PPP1R1C: variants seen among roughly 807,000 people sequenced by gnomAD.
PPP1R1C encodes protein phosphatase 1 regulatory inhibitor subunit 1C, also known as protein phosphatase 1 regulatory subunit 1C.
Under a neutral mutation model 17.4 loss-of-function variants are expected in PPP1R1C, and 15 were observed. The observed-to-expected ratio is 0.86, with a 90% CI of 0.58 to 1.33. The LOEUF (loss-of-function observed/expected upper bound fraction) is 1.33. Ranked by LOEUF, PPP1R1C falls within the 40% of genes most tolerant of loss-of-function variation. The pLI is 0.00. For synonymous variants in PPP1R1C, 35 were observed against 43.1 expected (o/e 0.81, Z 0.73); for missense variants, 143 against 130.0 (o/e 1.10, Z -0.48).
chr2:182,050,610 A>T (rs1687483220), intron 2 of PPP1R1C, among the ~76,000 whole-genome samples: 1 of 152,172 alleles, frequency 6.6e-6, no homozygotes, highest in Non-Finnish European at 1.5e-5. Context: ...GTCACACTGT[A>T]GCAATAAGTC....
chr2:182,013,888 A>T (rs185662335), intron 2 of PPP1R1C, among the ~76,000 whole-genome samples: 330 of 152,282 alleles, frequency 2.2e-3, no homozygotes, highest in African/African-American at 7.7e-3. Context: ...ATTTTTAAAA[A>T]TTATTTCAAT....
At chr2:182,003,514 A>G (rs1397519415) in intron 2 of PPP1R1C, among the ~76,000 whole-genome samples, 1 of 152,178 alleles carries the variant, frequency 6.6e-6, no homozygotes, top group African/African-American at 2.4e-5. Flanking sequence ...TGGACATACA[A>G]GAAATATGTT....
intron 5 of PPP1R1C, among the ~76,000 whole-genome samples, chr2:182,123,878 T>C (rs1453016997): frequency 6.6e-6 from 1 of 152,260 alleles, no homozygotes. Context: ...TTTGTCAATT[T>C]TGGCTTTTGT....
At chr2:182,024,515 T>G (rs569957312) in intron 2 of PPP1R1C, among the ~76,000 whole-genome samples, 2 of 152,034 alleles carry the variant, frequency 1.3e-5, no homozygotes, top group African/African-American at 4.8e-5. Flanking sequence ...TGAAGAAATA[T>G]TTATTTGAAA....
intron 2 of PPP1R1C, among the ~76,000 whole-genome samples, chr2:181,988,486 T>C (rs929860199): frequency 3.3e-5 from 5 of 152,260 alleles, no homozygotes; most frequent in African/African-American, 1.2e-4. Flanking sequence ...AACCGCATTA[T>C]TATTCCGGAT....
intron 2 of PPP1R1C, among the ~76,000 whole-genome samples, chr2:182,050,385 AATT>A (rs1687475983): frequency 6.6e-6 from 1 of 152,116 alleles, no homozygotes; most frequent in Non-Finnish European, 1.5e-5. Flanking sequence ...TAAAAAGCCT[AATT>A]TTGGTCTTTA....
chr2:182,084,146 T>C (rs1688561025), intron 4 of PPP1R1C, among the ~76,000 whole-genome samples: 1 of 152,050 alleles, frequency 6.6e-6, no homozygotes, highest in Non-Finnish European at 1.5e-5. Context: ...TGTTTGAATT[T>C]CTTGCAGAGT....
At position 182,004,700 on chromosome 2, in the gene PPP1R1C, C is replaced by T. The variant is rs376245762; in HGVS notation, c.142+16801C>T. On this transcript the variant is annotated intron_variant, in intron 2 of 4. Coordinates refer to ENST00000682840, the MANE Select transcript of PPP1R1C (RefSeq NM_001080545.3). The stretch of plus-strand genomic sequence containing the variant: ...TCAAAAGAGTTAGGATTAGGAACCA[C>T]GAGATGGTTTTCAGCAGGAGGGCTC... Among the ~76,000 whole-genome samples, 362 of 152,286 alleles carry T rather than the reference C, an allele frequency of 2.4e-3. 3 individuals carry two copies. Among genetic ancestry groups the T allele is most frequent in the African/African-American group, 8.1e-3 (336 of 41,558 alleles).
intron 2 of PPP1R1C, among the ~76,000 whole-genome samples, chr2:182,019,454 G>A (rs1235997530): frequency 6.6e-6 from 1 of 152,094 alleles, no homozygotes; most frequent in Non-Finnish European, 1.5e-5. Context: ...TTTCTTAGTT[G>A]GTGGCCACCC....
At chr2:182,047,095 A>G (rs1318025657) in intron 2 of PPP1R1C, among the ~76,000 whole-genome samples, 2 of 152,296 alleles carry the variant, frequency 1.3e-5, no homozygotes, top group Admixed American at 6.5e-5. Flanking sequence ...ATTTCCTGTC[A>G]TCATCATTCA....
At chr2:182,025,870 G>C (rs74178510) in intron 2 of PPP1R1C, among the ~76,000 whole-genome samples, 24,937 of 142,736 alleles carry the variant, frequency 0.17, 2,154 homozygotes, top group East Asian at 0.3. Flanking sequence ...TCCAGCACCT[G>C]TTGTTTCCTG....
intron 1 of PPP1R1C, among the ~76,000 whole-genome samples, chr2:181,958,169 A>G (rs184877756): frequency 6.6e-6 from 1 of 152,332 alleles, no homozygotes; most frequent in East Asian, 1.9e-4. Context: ...TGGAAGCAGA[A>G]CAGGGAAGTG....
intron 2 of PPP1R1C, among the ~76,000 whole-genome samples, chr2:182,038,583 A>G (rs1239073451): frequency 6.6e-6 from 1 of 152,164 alleles, no homozygotes; most frequent in African/African-American, 2.4e-5. Context: ...ATAGGTTGAA[A>G]CCCTTCAAGA....
chr2:182,059,758 T>C (rs1687796612), intron 2 of PPP1R1C, among the ~76,000 whole-genome samples: 1 of 152,096 alleles, frequency 6.6e-6, no homozygotes, highest in Non-Finnish European at 1.5e-5. Flanking sequence ...CCTTTTTTCA[T>C]TGAAATATTT....
chr2:182,065,989 C>G (rs1266634389), intron 4 of PPP1R1C, among the ~76,000 whole-genome samples: 1 of 152,020 alleles, frequency 6.6e-6, no homozygotes, highest in Non-Finnish European at 1.5e-5. Context: ...GTCCATCATT[C>G]AAAATGAATC....
chr2:182,103,968 G>T (rs1470459396), intron 4 of PPP1R1C: 1 of 152,190 alleles, frequency 6.6e-6, no homozygotes, highest in East Asian at 1.9e-4. Context: ...AATCAAATCT[G>T]TTGTCATCAC....
chr2:182,072,124 A>G (rs1020893369), intron 4 of PPP1R1C, among the ~76,000 whole-genome samples: 3 of 152,224 alleles, frequency 2.0e-5, no homozygotes, highest in African/African-American at 4.8e-5. Flanking sequence ...AGGCGCTATC[A>G]GTATGCTAAG....
chr2:182,081,680 AT>A (rs1364337343), intron 4 of PPP1R1C, among the ~76,000 whole-genome samples: 1 of 152,200 alleles, frequency 6.6e-6, no homozygotes, highest in African/African-American at 2.4e-5. Flanking sequence ...AAAAAAAAGT[AT>A]TGTGTCATAT....
chr2:182,108,637 T>A (rs1157965987), intron 4 of PPP1R1C, among the ~76,000 whole-genome samples: 1 of 152,198 alleles, frequency 6.6e-6, no homozygotes, highest in African/African-American at 2.4e-5. Flanking sequence ...ATATTCCATA[T>A]AAAACTTTCT....
Sources: gnomAD v4.1 joint callset for allele counts (sites outside exome capture counted in the v4.1 genomes callset) on GRCh38, gnomAD v4.1.1 for gene constraint, MANE v1.5 for transcripts, NCBI Gene and HGNC (gene_info 2026-07-23, HGNC 2026-07-21) for gene names.